PCDHA3: variants seen among roughly 807,000 people sequenced by gnomAD.
PCDHA3 encodes the protein protocadherin alpha 3.
PCDHA3 carries 41 observed loss-of-function variants against 62.2 expected under a neutral mutation model. That is an observed-to-expected ratio of 0.66 (90% CI 0.51 to 0.86). PCDHA3 has a LOEUF of 0.86. Ranked by LOEUF, PCDHA3 falls within the 40% of genes least tolerant of loss-of-function variation. The pLI is 0.00. For synonymous variants in PCDHA3, 640 were observed against 555.4 expected, an observed-to-expected ratio of 1.15 and a Z score of -2.14; for missense variants, 1,304 against 1,241.2, an observed-to-expected ratio of 1.05 and a Z score of -0.76.
At chr5:140,967,155 C>A (rs1554229255) in intron 1 of PCDHA3, 1 of 1,610,598 alleles carries the variant, frequency 6.2e-7, no homozygotes, top group Admixed American at 1.7e-5. Context: ...AACCCCGTGG[C>A]GGTGAGCGCC....
intron 1 of PCDHA3, chr5:140,927,058 C>T (rs376173105): frequency 1.2e-6 from 2 of 1,611,256 alleles, no homozygotes; most frequent in African/African-American, 1.3e-5. Flanking sequence ...GCGGAACTTT[C>T]GCTTCCTTTC....
In PCDHA3 at chr5:140,858,087, G is replaced by A. The variant is rs782702941; in HGVS notation, c.2394+54496G>A. On this transcript the variant is annotated intron_variant, in intron 1 of 3. Coordinates refer to ENST00000522353, the MANE Select transcript of PCDHA3 (RefSeq NM_018906.3). Reference sequence around the variant, plus strand: ...AGCCAGGCACCCAAGGCCTCGTCGCGGGCTTCAGTGGGCGTGGCGCCCGAG... The same window carrying A: ...AGCCAGGCACCCAAGGCCTCGTCGCAGGCTTCAGTGGGCGTGGCGCCCGAG... The A allele has an allele frequency of 4.1e-5, 66 of 1,597,710 alleles. 5 individuals carry two copies. Among genetic ancestry groups the A allele is most frequent in the Non-Finnish European group, 5.3e-5 (62 of 1,167,710 alleles).
At chr5:140,882,768 C>T (rs1554175511) in intron 1 of PCDHA3, 1 of 1,614,222 alleles carries the variant, frequency 6.2e-7, no homozygotes, top group East Asian at 2.2e-5. Context: ...GTAAACTCGG[C>T]ATTGACCTAC....
In PCDHA3 at chr5:140,821,405, G is replaced by C. The variant is rs1217305998; in HGVS notation, c.2394+17814G>C. The C allele has an allele frequency of 2.3e-5, 4 of 172,660 alleles. 1 individual carries two copies. The highest frequency in any genetic ancestry group is 5.0e-5 in the Non-Finnish European group (4 of 80,692). 10.7% of individuals were successfully genotyped at this position (172,660 alleles called of 1,614,324 possible). A position where few individuals can be genotyped will look rare whatever the true frequency, so the allele number is the denominator to read the frequency against. On this transcript the variant is annotated intron_variant, in intron 1 of 3. Transcript: ENST00000522353. ...ACGCACTTATATTGACGCATTTTAA[G>C]ATAGAGTTTAATGATATATTTTGAC...
intron 1 of PCDHA3, chr5:140,842,695 C>A (rs1554139285): frequency 6.3e-7 from 1 of 1,595,194 alleles, no homozygotes. Context: ...TCGCGCAGCC[C>A]GAGTACACGG....
intron 1 of PCDHA3, among the ~76,000 whole-genome samples, chr5:140,886,842 A>AAG (rs2061180057): frequency 6.6e-6 from 1 of 151,638 alleles, no homozygotes; most frequent in African/African-American, 2.4e-5. Context: ...AAAAAAAAAA[A>AAG]AAAAAGAAAG....
At chr5:140,808,880 C>T (rs782412304) in intron 1 of PCDHA3, 5 of 1,613,204 alleles carry the variant, frequency 3.1e-6, no homozygotes, top group Non-Finnish European at 4.2e-6. Context: ...CGCGCCAGCA[C>T]TGCTAGCGCC....
At chr5:140,921,750 C>T (rs2080373281) in intron 1 of PCDHA3, among the ~76,000 whole-genome samples, 2 of 152,056 alleles carry the variant, frequency 1.3e-5, no homozygotes, top group African/African-American at 4.8e-5. Context: ...CATAACAGGA[C>T]ACTTCTTGGC....
At chr5:140,998,112 T>A (rs1554256165) in intron 3 of PCDHA3, among the ~76,000 whole-genome samples, 2 of 152,152 alleles carry the variant, frequency 1.3e-5, no homozygotes, top group Non-Finnish European at 2.9e-5. Context: ...AGGAGAAAAT[T>A]TACTTGTGAA....
At chr5:140,935,840 G>T (rs155359) in intron 1 of PCDHA3, among the ~76,000 whole-genome samples, 87,412 of 151,068 alleles carry the variant, frequency 0.58, 26,203 homozygotes, top group African/African-American at 0.75. Context: ...ATTCCATACT[G>T]CTTAATGGTG....
intron 1 of PCDHA3, chr5:140,821,627 C>A: frequency 1.1e-6 from 1 of 931,036 alleles, no homozygotes; most frequent in Non-Finnish European, 1.6e-6. Flanking sequence ...TTTCCTTAGA[C>A]AGAAAGGAAA....
At chr5:140,860,205 A>G (rs1007227708) in intron 1 of PCDHA3, 2 of 149,744 alleles carry the variant, frequency 1.3e-5, no homozygotes, top group East Asian at 3.9e-4. Flanking sequence ...ATATATCTAT[A>G]TATGTACTTA....
chr5:140,813,491 A>G (rs1443596304), intron 1 of PCDHA3: 1 of 152,210 alleles, frequency 6.6e-6, no homozygotes, highest in African/African-American at 2.4e-5. Context: ...CTAAACATCT[A>G]AAAGGTACAG....
chr5:140,877,432 C>A (rs782574302), intron 1 of PCDHA3: 1 of 1,613,874 alleles, frequency 6.2e-7, no homozygotes, highest in Non-Finnish European at 8.5e-7. Flanking sequence ...GGTGAAGGAC[C>A]ACGGTGAGCC....
intron 1 of PCDHA3, among the ~76,000 whole-genome samples, chr5:140,896,543 T>C (rs2065615880): frequency 6.6e-6 from 1 of 151,466 alleles, no homozygotes; most frequent in Non-Finnish European, 1.5e-5. Flanking sequence ...TTTCTTTTTT[T>C]TTTTTGTATT....
At chr5:140,995,653 G>A (rs964259982) in intron 3 of PCDHA3, among the ~76,000 whole-genome samples, 1 of 152,100 alleles carries the variant, frequency 6.6e-6, no homozygotes, top group Non-Finnish European at 1.5e-5. Context: ...AAGGAGAATC[G>A]AAAAGGGAAG....
chr5:140,966,413 A>G, intron 1 of PCDHA3: 2 of 419,134 alleles, frequency 4.8e-6, no homozygotes, highest in South Asian at 1.0e-4. Flanking sequence ...GAATCAGAGC[A>G]GGACTTGCTG....
chr5:140,851,781 A>G, intron 1 of PCDHA3: 1 of 959,776 alleles, frequency 1.0e-6, no homozygotes. Context: ...AATTTAGATG[A>G]GAATTCACTT....
At chr5:140,895,235 C>T (rs1554186440) in intron 1 of PCDHA3, among the ~76,000 whole-genome samples, 2 of 152,236 alleles carry the variant, frequency 1.3e-5, no homozygotes, top group East Asian at 1.9e-4. Context: ...GTTTTCTCAT[C>T]TCTCTTTTCA....
Sources: allele counts gnomAD v4.1 joint callset (sites outside exome capture counted in the v4.1 genomes callset), GRCh38; gene constraint gnomAD v4.1.1; transcripts MANE v1.5; gene names NCBI Gene and HGNC (gene_info 2026-07-23, HGNC 2026-07-21).